Variants in ZMYM4 observed in about 807,000 individuals in gnomAD.
ZMYM4 encodes zinc finger MYM-type protein 4.
Under a neutral mutation model 183.2 loss-of-function variants are expected in ZMYM4, and 31 were observed. The observed-to-expected ratio is 0.17, with a 90% CI of 0.13 to 0.23. The LOEUF is 0.23. ZMYM4 is among the 10% of genes least tolerant of loss of function. ZMYM4 has a pLI of 1.00. For synonymous variants in ZMYM4, 592 were observed against 631.2 expected (o/e 0.94, Z 0.93); for missense variants, 1,273 against 1,840.3 (o/e 0.69, Z 5.64).
chr1:35,336,755 A>G (rs958489245), intron 2 of ZMYM4, among the ~76,000 whole-genome samples: 1 of 152,166 alleles, frequency 6.6e-6, no homozygotes, highest in African/African-American at 2.4e-5. Context: ...TATGTAATAC[A>G]TGATATGGTT....
chr1:35,407,929 G>A, intron 25 of ZMYM4, 79 bp from the exon 26 acceptor site: 1 of 1,573,342 alleles, frequency 6.4e-7, no homozygotes, highest in East Asian at 2.2e-5. Flanking sequence ...GCACAGTAGT[G>A]TTCAATGTTT....
At chr1:35,274,171 G>T (rs549745055) in intron 1 of ZMYM4, among the ~76,000 whole-genome samples, 3 of 152,070 alleles carry the variant, frequency 2.0e-5, no homozygotes, top group Non-Finnish European at 2.9e-5. Context: ...CGGTTTATAT[G>T]TATGCAATGT....
chr1:35,336,023 G>A (rs1167053000), intron 2 of ZMYM4, among the ~76,000 whole-genome samples: 2 of 152,178 alleles, frequency 1.3e-5, no homozygotes, highest in Non-Finnish European at 1.5e-5. Context: ...ACATTGTTGT[G>A]CAACAGATCT....
At position 35,398,857 on chromosome 1, in the gene ZMYM4, A is replaced by G; in HGVS notation, c.3254-7A>G. The G allele has an allele frequency of 1.2e-6, 2 of 1,613,672 alleles. No individual in the cohort carries two copies. The highest frequency in any genetic ancestry group is 1.7e-6 in the Non-Finnish European group (2 of 1,179,726). ...TTGAGGGCTTAATTGTTATCTATAT[A>G]TTTCAGACCAAGGAAGTACATACAG... On this transcript the variant is annotated splice_region_variant and splice_polypyrimidine_tract_variant and intron_variant, in intron 21 of 29. Transcript: ENST00000314607.
At chr1:35,307,538 T>TATC (rs1557964661) in intron 1 of ZMYM4, among the ~76,000 whole-genome samples, 1 of 144,818 alleles carries the variant, frequency 6.9e-6, no homozygotes, top group African/African-American at 2.6e-5. Context: ...TTATTATTAT[T>TATC]ATTATTTTTT....
chr1:35,383,037 T>C (rs1644499747), intron 9 of ZMYM4, among the ~76,000 whole-genome samples: 2 of 152,302 alleles, frequency 1.3e-5, no homozygotes, highest in Admixed American at 1.3e-4. Flanking sequence ...ATTTTTCTTA[T>C]CTTTATGAAA....
intron 2 of ZMYM4, among the ~76,000 whole-genome samples, chr1:35,327,794 T>C (rs1243046308): frequency 6.6e-6 from 1 of 152,236 alleles, no homozygotes; most frequent in Non-Finnish European, 1.5e-5. Context: ...AAAGCAGTTA[T>C]ATTCCCACGA....
chr1:35,415,378 A>G, intron 27 of ZMYM4, 88 bp from the exon 28 acceptor site: 2 of 1,531,840 alleles, frequency 1.3e-6, no homozygotes, highest in East Asian at 4.5e-5. Context: ...TTTTCTCTTT[A>G]TATCTCCCTG....
Position 35,371,661 on chromosome 1 carries a change from C to T in ZMYM4, c.1181+1034C>T, listed in dbSNP as rs532171996. ...ACCATGATTCATTTATTACTTTAGG[C>T]GGTAATGTTTATAGTTCCTCACACA... On this transcript the variant is annotated intron_variant, in intron 7 of 29. Coordinates refer to ENST00000314607, the MANE Select transcript of ZMYM4 (RefSeq NM_005095.3). 1.1e-3 allele frequency among the ~76,000 whole-genome samples: 174 copies of T among 152,190 alleles called. 1 individual carries two copies. The highest frequency in any genetic ancestry group is 4.0e-3 in the African/African-American group (167 of 41,524).
chr1:35,330,328 G>C (rs1193413111), intron 2 of ZMYM4, among the ~76,000 whole-genome samples: 2 of 152,136 alleles, frequency 1.3e-5, no homozygotes, highest in African/African-American at 2.4e-5. Context: ...ATGATAATAT[G>C]GCTCTGTGGT....
intron 2 of ZMYM4, among the ~76,000 whole-genome samples, chr1:35,354,727 T>TAAAAAAAAAA (rs57493035): frequency 8.3e-5 from 7 of 84,036 alleles, no homozygotes; most frequent in African/African-American, 4.1e-4. Flanking sequence ...ACTTTGTCTT[T>TAAAAAAAAAA]AAAAAAAAAA....
intron 2 of ZMYM4, 147 bp downstream of exon 2, chr1:35,325,552 G>A (rs1319858067): frequency 6.9e-6 from 4 of 576,212 alleles, no homozygotes; most frequent in Admixed American, 8.2e-5. Flanking sequence ...ATCACGTACT[G>A]TTCTTTCAGC....
At chr1:35,275,646 G>C (rs1172249445) in intron 1 of ZMYM4, among the ~76,000 whole-genome samples, 1 of 152,182 alleles carries the variant, frequency 6.6e-6, no homozygotes, top group Non-Finnish European at 1.5e-5. Flanking sequence ...TTAAAGAAAA[G>C]TGATATTTCC....
chr1:35,373,446 C>T (rs1263803452), intron 7 of ZMYM4, among the ~76,000 whole-genome samples: 7 of 149,624 alleles, frequency 4.7e-5, no homozygotes, highest in Admixed American at 6.7e-5. Flanking sequence ...GGCGCAGTCT[C>T]GGCTCACTGC....
At chr1:35,311,895 T>C (rs1302652724) in intron 1 of ZMYM4, among the ~76,000 whole-genome samples, 1 of 152,178 alleles carries the variant, frequency 6.6e-6, no homozygotes, top group Non-Finnish European at 1.5e-5. Flanking sequence ...CTTTTTCTTT[T>C]TCCTTTTTTT....
chr1:35,358,855 C>A, intron 2 of ZMYM4, 70 bp from the exon 3 acceptor site: 2 of 1,299,994 alleles, frequency 1.5e-6, no homozygotes, highest in Admixed American at 2.1e-5. Context: ...TGGTTAAATA[C>A]CAGACTGACC....
In ZMYM4 at chr1:35,297,141, C is replaced by T. The variant is rs533192591; in HGVS notation, c.39+28056C>T. ...CTGGGATTACAAGCGTGAGGCACCG[C>T]GCCCAGCCTGCTCTTACTTTTTCTT... On this transcript the variant is annotated intron_variant, in intron 1 of 29. Coordinates refer to ENST00000314607, the MANE Select transcript of ZMYM4 (RefSeq NM_005095.3). Among the ~76,000 whole-genome samples, 22 of 151,984 alleles carry T rather than the reference C, an allele frequency of 1.4e-4. No individual in the cohort carries two copies. In the East Asian group the frequency reaches 3.1e-3, roughly 21 times the overall value.
At chr1:35,399,164 G>T (rs1318075327) in intron 22 of ZMYM4, 121 bp downstream of exon 22, 1 of 1,041,962 alleles carries the variant, frequency 9.6e-7, no homozygotes, top group Admixed American at 2.7e-5. Flanking sequence ...TGTGTTAGAG[G>T]TCATAATCTA....
chr1:35,394,269 T>C (rs892895603), intron 18 of ZMYM4, among the ~76,000 whole-genome samples: 1 of 149,978 alleles, frequency 6.7e-6, no homozygotes, highest in Non-Finnish European at 1.5e-5. Flanking sequence ...TCTCTGGCCT[T>C]CTTGGCTTGC....
Sources: allele counts gnomAD v4.1 joint callset (sites outside exome capture counted in the v4.1 genomes callset), GRCh38; gene constraint gnomAD v4.1.1; transcripts MANE v1.5; gene names NCBI Gene and HGNC (gene_info 2026-07-23, HGNC 2026-07-21).